The following NLRC5 variants were observed in gnomAD, a reference collection of about 807,000 sequenced individuals.
NLRC5 encodes the protein protein NLRC5.
NLRC5 carries 114 observed loss-of-function variants against 206.9 expected under a neutral mutation model. That is an observed-to-expected ratio of 0.55 (90% CI 0.47 to 0.64). The LOEUF (loss-of-function observed/expected upper bound fraction) is 0.64, where lower values mean the gene tolerates loss of function less well. NLRC5 is among the 30% of genes least tolerant of loss of function. NLRC5 has a pLI of 0.00. For missense variants in NLRC5, 2,008 were observed against 2,305.5 expected (o/e 0.87, Z 2.64); for synonymous variants, 952 against 962.8 (o/e 0.99, Z 0.21).
rs774255252 is a variant in NLRC5, at chr16:57,067,848, A to T, written c.4499+20A>T. ...ATTTCGGTATGTAGACAAGACATTC[A>T]CTCAGTCCCCTTTGCAGCTCTGCCC... On this transcript the variant is annotated intron_variant, in intron 36 of 48. Transcript: ENST00000688547. 1.9e-6 allele frequency: 3 copies of T among 1,591,090 alleles called. No homozygotes were observed. Among genetic ancestry groups the T allele is most frequent in the African/African-American group, 2.7e-5 (2 of 74,390 alleles).
At chr16:57,079,765 G>A in intron 46 of NLRC5, 136 bp downstream of exon 46, 1 of 651,960 alleles carries the variant, frequency 1.5e-6, no homozygotes, top group South Asian at 1.7e-5. Flanking sequence ...TGTAAATGGG[G>A]AAGATCATCC....
chr16:57,046,700 G>A lies in NLRC5; in HGVS notation c.3338+59G>A, dbSNP rs199475993. ...CATAATAGGGATGAGGCGTCAGAGG[G>A]GGCAGAGCTGGCAGGGGGCTAGGGC... On this transcript the variant is annotated intron_variant, in intron 22 of 48. Transcript: ENST00000688547. The A allele has an allele frequency of 1.2e-5, 16 of 1,390,654 alleles. No individual in the cohort carries two copies. Among genetic ancestry groups the A allele is most frequent in the East Asian group, 2.3e-5 (1 of 43,110 alleles). 86.1% of individuals were successfully genotyped at this position (1,390,654 alleles called of 1,614,324 possible).
At chr16:57,023,883 CAGAG>C (rs1259704777) in intron 5 of NLRC5, 30 bp downstream of exon 5, 1 of 1,588,876 alleles carries the variant, frequency 6.3e-7, no homozygotes, top group African/African-American at 1.3e-5. Context: ...GGAACATAAA[CAGAG>C]AGATGGGGTT....
chr16:57,016,385 C>T (rs2142816557), intron 1 of NLRC5, among the ~76,000 whole-genome samples: 1 of 152,334 alleles, frequency 6.6e-6, no homozygotes, highest in Non-Finnish European at 1.5e-5. Flanking sequence ...AGTCATGGAA[C>T]TCTGAGTTAC....
rs1487898587 is a variant in NLRC5, at chr16:57,039,675, C to G, written c.2802-106C>G. 4 of 980,704 alleles carry G rather than the reference C, an allele frequency of 4.1e-6. No individual in the cohort carries two copies. The African/African-American group carries it at 6.4e-5, about 16-fold the overall frequency. 60.8% of individuals were successfully genotyped at this position (980,704 alleles called of 1,614,324 possible). On this transcript the variant is annotated intron_variant, in intron 15 of 48. Coordinates refer to ENST00000688547, the MANE Select transcript of NLRC5 (RefSeq NM_001384950.1). ...GAGGCTTCAGTGAGCCATGATTGCA[C>G]CACTGCACACCAGCTTGGGCAACAG...
rs1336763614 is a variant in NLRC5 at position 57,025,553 on chromosome 16, G to A, written c.610G>A (p.Gly204Ser). ...AIMGDVKVEDGADVSISDLFN... is the reference protein window; with the variant it reads ...AIMGDVKVEDSADVSISDLFN... ...TATGGGGGACGTCAAGGTGGAAGAT[G>A]GTGCTGACGTGAGCATCTCGGACCT... Residue 204 changes from glycine to serine, a missense_variant, in exon 6 of 49, where the codon GGT becomes AGT. Transcript: ENST00000688547. The A allele has an allele frequency of 6.2e-7, 1 of 1,613,670 alleles. No individual in the cohort carries two copies. Among genetic ancestry groups the A allele is most frequent in the African/African-American group, 1.3e-5 (1 of 74,906 alleles).
chr16:57,083,277 G>C lies in NLRC5; in HGVS notation c.*749G>C, dbSNP rs1597480760. ...GACAGGTGGAGGTAGGGCCAGCCTGGCGGGAGTGGAGAAGCCCAGTCTGTC... is the reference window on the plus strand; with the variant it reads ...GACAGGTGGAGGTAGGGCCAGCCTGCCGGGAGTGGAGAAGCCCAGTCTGTC... On this transcript the variant is annotated 3_prime_UTR_variant, in exon 49 of 49. Coordinates refer to ENST00000688547, the MANE Select transcript of NLRC5 (RefSeq NM_001384950.1). The C allele has an allele frequency of 6.6e-6, 1 of 152,314 alleles. No individual in the cohort carries two copies. Among genetic ancestry groups the C allele is most frequent in the East Asian group, 1.9e-4 (1 of 5,196 alleles). The allele number at this position is 152,314 out of a possible 1,614,324, so 9.4% of individuals were successfully genotyped here.
intron 32 of NLRC5, 132 bp downstream of exon 32, chr16:57,061,833 T>A: frequency 6.5e-7 from 1 of 1,534,694 alleles, no homozygotes; most frequent in South Asian, 1.2e-5. Flanking sequence ...ATCTGGACCC[T>A]GAGCAAACCC....
At chr16:57,061,898 C>T (rs1032503528) in intron 32 of NLRC5, 197 bp downstream of exon 32, 9 of 1,534,102 alleles carry the variant, frequency 5.9e-6, no homozygotes, top group Admixed American at 3.9e-5. Flanking sequence ...TCCTTCCCCA[C>T]ACTGGAGGCC....
chr16:57,002,263 T>G (rs2058344446), intron 1 of NLRC5, among the ~76,000 whole-genome samples: 1 of 152,186 alleles, frequency 6.6e-6, no homozygotes, highest in African/African-American at 2.4e-5. Context: ...TTCTCCTGCC[T>G]CAGCCTCCCA....
In NLRC5 at chr16:57,029,994, G is replaced by T; in HGVS notation, c.2328-1G>T. ...CTGACACCTTTGCCACAATCTTGCA[G>T]CCTGAGCAGCAACAGCATCTGCGTG... On this transcript the variant is annotated splice_acceptor_variant, in intron 9 of 48. Transcript: ENST00000688547. LOFTEE classifies it high-confidence loss of function. 1 of 1,614,188 alleles carries T rather than the reference G, an allele frequency of 6.2e-7. No individual in the cohort carries two copies. Among genetic ancestry groups the T allele is most frequent in the Non-Finnish European group, 8.5e-7 (1 of 1,180,012 alleles).
chr16:57,054,184 G>A (rs942569264), intron 24 of NLRC5, among the ~76,000 whole-genome samples: 56 of 152,256 alleles, frequency 3.7e-4, no homozygotes, highest in African/African-American at 1.3e-3. Flanking sequence ...TCATGACTGC[G>A]GGTGAGGGGT....
At chr16:57,005,004 C>T (rs1332739196) in intron 1 of NLRC5, among the ~76,000 whole-genome samples, 2 of 152,112 alleles carry the variant, frequency 1.3e-5, no homozygotes, top group Admixed American at 1.3e-4. Flanking sequence ...TTACTGACTG[C>T]GTGACCCTGG....
At chr16:57,061,847 C>T in intron 32 of NLRC5, 146 bp downstream of exon 32, 1 of 1,535,344 alleles carries the variant, frequency 6.5e-7, no homozygotes, top group Middle Eastern at 1.7e-4. Context: ...CAAACCCTGT[C>T]CATCTGTCCC....
chr16:57,020,049 T>C (rs563107662), intron 2 of NLRC5, among the ~76,000 whole-genome samples: 1 of 152,186 alleles, frequency 6.6e-6, no homozygotes, highest in South Asian at 2.1e-4. Flanking sequence ...AGCTGATCCC[T>C]GGGCAGAGAC....
intron 1 of NLRC5, among the ~76,000 whole-genome samples, chr16:57,001,228 A>G (rs2058205886): frequency 6.6e-6 from 1 of 152,170 alleles, no homozygotes; most frequent in African/African-American, 2.4e-5. Flanking sequence ...GACCTAAAGA[A>G]CCAACAACAG....
At chr16:57,041,279 T>C in intron 17 of NLRC5, 1 of 549,872 alleles carries the variant, frequency 1.8e-6, no homozygotes, top group Non-Finnish European at 3.3e-6. Flanking sequence ...TCTGTGTCTC[T>C]GCCCACCCTC....
At chr16:57,049,769 TAAAG>T (rs1283657372) in intron 23 of NLRC5, among the ~76,000 whole-genome samples, 2 of 145,286 alleles carry the variant, frequency 1.4e-5, no homozygotes, top group African/African-American at 5.1e-5. Context: ...AATAAATAAA[TAAAG>T]CCCACTGGCA....
Position 56,995,003 on chromosome 16 carries a change from C to T in NLRC5, c.-128+5386C>T, listed in dbSNP as rs151137919. The stretch of plus-strand genomic sequence containing the variant: ...CAGCCTGGCCAACATGGAGAAGCCC[C>T]GTCTCTCCTAAAAATACAAAAATAG... On this transcript the variant is annotated intron_variant, in intron 1 of 48. Coordinates refer to ENST00000688547, the MANE Select transcript of NLRC5 (RefSeq NM_001384950.1). Among the ~76,000 whole-genome samples the T allele has an allele frequency of 3.5e-4, 54 of 152,164 alleles. 1 individual carries two copies. In the East Asian group the frequency reaches 6.0e-3, roughly 17 times the overall value.
Sources: allele counts gnomAD v4.1 joint callset (sites outside exome capture counted in the v4.1 genomes callset), GRCh38; gene constraint gnomAD v4.1.1; transcripts MANE v1.5; gene names NCBI Gene and HGNC (gene_info 2026-07-23, HGNC 2026-07-21).